DAB1: variants seen among roughly 807,000 people sequenced by gnomAD.
The protein encoded by DAB1 is DAB adaptor protein 1.
DAB1 carries 15 observed loss-of-function variants against 64.6 expected under a neutral mutation model. That is an observed-to-expected ratio of 0.23 (90% CI 0.16 to 0.36). The LOEUF (loss-of-function observed/expected upper bound fraction) is 0.36. Ranked by LOEUF, DAB1 falls within the 10% of genes least tolerant of loss-of-function variation. DAB1 has a pLI of 1.00. For missense variants in DAB1, 596 were observed against 706.7 expected (o/e 0.84, Z 1.78); for synonymous variants, 235 against 251.9 (o/e 0.93, Z 0.64).
chr1:57,475,117 A>G (rs1407045855), intron 7 of DAB1, among the ~76,000 whole-genome samples: 7 of 152,088 alleles, frequency 4.6e-5, no homozygotes, highest in African/African-American at 1.7e-4. Context: ...AAAATTAGCC[A>G]AAAACAAAAA....
intron 1 of DAB1, among the ~76,000 whole-genome samples, chr1:57,871,035 A>G (rs1643939888): frequency 6.6e-6 from 1 of 152,208 alleles, no homozygotes; most frequent in Non-Finnish European, 1.5e-5. Flanking sequence ...ATAATCATAA[A>G]GCACCTAAAA....
chr1:57,456,848 G>T (rs1023270108), intron 7 of DAB1, among the ~76,000 whole-genome samples: 1 of 151,894 alleles, frequency 6.6e-6, no homozygotes, highest in South Asian at 2.1e-4. Context: ...TTGAAAACTG[G>T]GCAGACAAAC....
intron 5 of DAB1, among the ~76,000 whole-genome samples, chr1:57,966,916 A>G (rs989967996): frequency 5.3e-5 from 8 of 152,222 alleles, no homozygotes; most frequent in Non-Finnish European, 1.0e-4. Flanking sequence ...ATCTTTGCAT[A>G]GACCTGTTGA....
chr1:58,459,841 G>C (rs1645225894), intron 3 of DAB1, among the ~76,000 whole-genome samples: 1 of 152,144 alleles, frequency 6.6e-6, no homozygotes, highest in Non-Finnish European at 1.5e-5. Flanking sequence ...AGCCTGGCTT[G>C]ATGGTGCATG....
intron 1 of DAB1, among the ~76,000 whole-genome samples, chr1:57,346,342 C>T (rs115208600): frequency 0.014 from 2,140 of 152,288 alleles, 37 homozygotes; most frequent in African/African-American, 0.041. Flanking sequence ...GAAGATTCCT[C>T]AAAGAGATTT....
intron 7 of DAB1, among the ~76,000 whole-genome samples, chr1:57,646,535 C>T (rs1646193010): frequency 6.6e-6 from 1 of 152,108 alleles, no homozygotes; most frequent in African/African-American, 2.4e-5. Flanking sequence ...ATTGCTTGAA[C>T]CCAAGAGTTC....
intron 1 of DAB1, among the ~76,000 whole-genome samples, chr1:57,372,435 C>A (rs1680573086): frequency 6.6e-6 from 1 of 152,172 alleles, no homozygotes; most frequent in African/African-American, 2.4e-5. Flanking sequence ...ATCAGACAAT[C>A]AATATTCCAA....
chr1:58,354,889 A>C (rs1644095489), intron 3 of DAB1, among the ~76,000 whole-genome samples: 4 of 152,218 alleles, frequency 2.6e-5, no homozygotes, highest in Admixed American at 2.6e-4. Flanking sequence ...TAACTTGCCC[A>C]AAATCACACA....
intron 5 of DAB1, among the ~76,000 whole-genome samples, chr1:57,896,539 G>C (rs1030084451): frequency 6.6e-6 from 1 of 152,084 alleles, no homozygotes; most frequent in African/African-American, 2.4e-5. Context: ...AGAAATCTGA[G>C]ACAGACTTCA....
At chr1:57,550,119 G>T (rs952872249) in intron 7 of DAB1, among the ~76,000 whole-genome samples, 1 of 152,126 alleles carries the variant, frequency 6.6e-6, no homozygotes, top group Non-Finnish European at 1.5e-5. Flanking sequence ...TTAGCTACAG[G>T]ATTTGTGCAC....
rs372464702 is a variant in DAB1, at chr1:57,068,264, A to T, written c.663+1096T>A. 3.3e-5 allele frequency among the ~76,000 whole-genome samples: 5 copies of T among 152,198 alleles called. No individual in the cohort carries two copies. In the East Asian group the frequency reaches 9.6e-4, roughly 29 times the overall value. On this transcript the variant is annotated intron_variant, in intron 8 of 14. Transcript: ENST00000371236. Reference sequence around the variant, plus strand: ...AAAATCTGACACTCAGGACAAACGCAACTTTTCTTATTAAAGATACTTGGT... The same window carrying T: ...AAAATCTGACACTCAGGACAAACGCTACTTTTCTTATTAAAGATACTTGGT...
intron 6 of DAB1, among the ~76,000 whole-genome samples, chr1:57,767,518 G>A (rs986593542): frequency 6.6e-6 from 1 of 152,130 alleles, no homozygotes; most frequent in Non-Finnish European, 1.5e-5. Context: ...TATCTCTACA[G>A]TGGTTATCAT....
chr1:58,534,755 T>A (rs1646490612), intron 1 of DAB1, among the ~76,000 whole-genome samples: 1 of 151,928 alleles, frequency 6.6e-6, no homozygotes, highest in Non-Finnish European at 1.5e-5. Flanking sequence ...GGCAACATGG[T>A]GAAACCCCGT....
chr1:58,206,125 C>G (rs1658266301), intron 4 of DAB1, among the ~76,000 whole-genome samples: 1 of 152,148 alleles, frequency 6.6e-6, no homozygotes, highest in African/African-American at 2.4e-5. Context: ...GACATGTGCC[C>G]AGGGTGGTCG....
chr1:57,801,687 T>C (rs961559115), intron 6 of DAB1, among the ~76,000 whole-genome samples: 8 of 152,094 alleles, frequency 5.3e-5, no homozygotes, highest in Non-Finnish European at 7.4e-5. Context: ...AGACACGATC[T>C]TACTGTGTTG....
intron 7 of DAB1, among the ~76,000 whole-genome samples, chr1:57,433,220 AT>A (rs1685576771): frequency 6.6e-6 from 1 of 152,206 alleles, no homozygotes; most frequent in Non-Finnish European, 1.5e-5. Flanking sequence ...ATTAAAAAAT[AT>A]ACATGAGAAT....
At chr1:57,063,280 C>T (rs758290383) in intron 8 of DAB1, among the ~76,000 whole-genome samples, 4 of 151,932 alleles carry the variant, frequency 2.6e-5, no homozygotes, top group African/African-American at 4.8e-5. Context: ...AAAAATGAGG[C>T]GTAGGGAGGT....
At chr1:57,245,602 G>T (rs1341818983) in intron 2 of DAB1, among the ~76,000 whole-genome samples, 2 of 152,196 alleles carry the variant, frequency 1.3e-5, no homozygotes, top group East Asian at 3.9e-4. Flanking sequence ...CCCTGCAAAA[G>T]ACATGAACTC....
intron 2 of DAB1, among the ~76,000 whole-genome samples, chr1:57,287,548 T>C (rs1379613082): frequency 2.6e-5 from 4 of 152,216 alleles, no homozygotes; most frequent in Non-Finnish European, 5.9e-5. Context: ...GCAGGTTATA[T>C]GCTGTCTCCA....
Sources: allele counts gnomAD v4.1 joint callset (sites outside exome capture counted in the v4.1 genomes callset), GRCh38; gene constraint gnomAD v4.1.1; transcripts MANE v1.5; gene names NCBI Gene and HGNC (gene_info 2026-07-23, HGNC 2026-07-21).